The following PPP2R2A variants were observed in gnomAD, a reference collection of about 807,000 sequenced individuals.
The protein encoded by PPP2R2A is protein phosphatase 2 regulatory subunit Balpha, also known as serine/threonine-protein phosphatase 2A 55 kDa regulatory subunit B alpha isoform.
In PPP2R2A, 9 loss-of-function variants were observed where a neutral mutation model predicts 53.2. The observed-to-expected ratio is 0.17, with a 90% CI of 0.10 to 0.30. PPP2R2A has a LOEUF of 0.30. Among genes scored for constraint, PPP2R2A ranks in the 10% least tolerant of loss-of-function variants. The probability of loss-of-function intolerance (pLI) is 1.00; values close to 1 mark genes in which losing one functional copy is unlikely to be tolerated. For synonymous variants in PPP2R2A, 169 were observed against 174.2 expected (o/e 0.97, Z 0.23); for missense variants, 235 against 534.6 (o/e 0.44, Z 5.53).
rs1801417549 is a variant in PPP2R2A, at chr8:26,293,827, T to TATA, written c.82+89_82+91dup. ...AGGATTTCCTTGAAGCCGAGACTGCTATAAATTCAAGATGATTTTGTTGTC... is the reference window on the plus strand; with the variant it reads ...AGGATTTCCTTGAAGCCGAGACTGCTATAATAAATTCAAGATGATTTTGTTGTC... On this transcript the variant is annotated intron_variant, in intron 2 of 9. Coordinates refer to ENST00000380737, the MANE Select transcript of PPP2R2A (RefSeq NM_002717.4). 4 of 1,194,388 alleles carry TATA rather than the reference T, an allele frequency of 3.3e-6. No individual in the cohort carries two copies. The African/African-American group carries it at 4.6e-5, about 14-fold the overall frequency. 74.0% of individuals were successfully genotyped at this position (1,194,388 alleles called of 1,614,324 possible).
chr8:26,291,547 C>CCTGCCG lies in PPP2R2A; in HGVS notation c.-265_-260dup, dbSNP rs878975751. Reference sequence around the variant, plus strand: ...CATTTTGAAAGTGGAGTCGCCTGCCCCTGCCGCTGCCGCCGCCGCCGTCGC... The same window carrying CCTGCCG: ...CATTTTGAAAGTGGAGTCGCCTGCCCCTGCCGCTGCCGCTGCCGCCGCCGCCGTCGC... On this transcript the variant is annotated 5_prime_UTR_variant, in exon 1 of 10. Coordinates refer to ENST00000380737, the MANE Select transcript of PPP2R2A (RefSeq NM_002717.4). 29 of 530,908 alleles carry CCTGCCG rather than the reference C, an allele frequency of 5.5e-5. No homozygotes were observed. Among genetic ancestry groups the CCTGCCG allele is most frequent in the Middle Eastern group, 5.0e-4 (1 of 2,010 alleles). 32.9% of individuals were successfully genotyped at this position (530,908 alleles called of 1,614,324 possible). A position where few individuals can be genotyped will look rare whatever the true frequency, so the allele number is the denominator to read the frequency against.
chr8:26,316,606 A>G (rs924658951), intron 2 of PPP2R2A, among the ~76,000 whole-genome samples: 1 of 152,242 alleles, frequency 6.6e-6, no homozygotes, highest in Admixed American at 6.5e-5. Context: ...TTAACAGAAT[A>G]GTACAGACTG....
At position 26,362,853 on chromosome 8, in the gene PPP2R2A, GTT is replaced by G. The variant is rs757462113; in HGVS notation, c.802+7_802+8del. ...TCTGTGATAGACATTCTAAATGTAA[GTT>G]TATTGTATCTTTCCTTAAAATGATT... is the stretch of plus-strand genomic sequence containing the variant. On this transcript the variant is annotated splice_donor_region_variant and intron_variant, in intron 7 of 9. Transcript: ENST00000380737. The surrounding 1 kb of genome is among the most constrained non-coding windows in gnomAD (Gnocchi z 4.4). 3 of 1,609,902 alleles carry G rather than the reference GTT, an allele frequency of 1.9e-6. No individual in the cohort carries two copies. The highest frequency in any genetic ancestry group is 2.5e-6 in the Non-Finnish European group (3 of 1,177,218).
At position 26,362,985 on chromosome 8, in the gene PPP2R2A, C is replaced by A; in HGVS notation, c.802+137C>A. ...CAGAGCCACTTGTACCCTTGGTAAT[C>A]TGCCTACCTCCTCATGAGGCATTCC... On this transcript the variant is annotated intron_variant, in intron 7 of 9. Coordinates refer to ENST00000380737, the MANE Select transcript of PPP2R2A (RefSeq NM_002717.4). This position sits in a 1 kb window ranked among gnomAD's most constrained non-coding sequence, Gnocchi z 4.4. The A allele has an allele frequency of 1.3e-6, 1 of 741,110 alleles. No homozygotes were observed. Among genetic ancestry groups the A allele is most frequent in the Non-Finnish European group, 2.2e-6 (1 of 465,086 alleles). The allele number at this position is 741,110 out of a possible 1,614,324, so 45.9% of individuals were successfully genotyped here.
At chr8:26,346,270 A>T (rs959037437) in intron 3 of PPP2R2A, among the ~76,000 whole-genome samples, 1 of 152,018 alleles carries the variant, frequency 6.6e-6, no homozygotes, top group African/African-American at 2.4e-5. Context: ...CCTCCCGAGT[A>T]GCTGGGATTA....
chr8:26,328,754 T>C (rs1015409100), intron 2 of PPP2R2A, among the ~76,000 whole-genome samples: 1 of 152,238 alleles, frequency 6.6e-6, no homozygotes, highest in East Asian at 1.9e-4. Flanking sequence ...GAATATTTAC[T>C]AAAATAATAG....
At chr8:26,368,074 G>C (rs1237802526) in intron 9 of PPP2R2A, among the ~76,000 whole-genome samples, 4 of 152,312 alleles carry the variant, frequency 2.6e-5, no homozygotes, top group African/African-American at 9.6e-5. Flanking sequence ...CCTTTTTAAA[G>C]TTTCAAGTAG....
chr8:26,315,321 G>A (rs990281415), intron 2 of PPP2R2A, among the ~76,000 whole-genome samples: 2 of 152,170 alleles, frequency 1.3e-5, no homozygotes, highest in African/African-American at 2.4e-5. Flanking sequence ...AGTATCTCTA[G>A]ATGAGAAGGA....
At chr8:26,294,385 C>T (rs763861190) in intron 2 of PPP2R2A, among the ~76,000 whole-genome samples, 2 of 152,152 alleles carry the variant, frequency 1.3e-5, no homozygotes, top group East Asian at 3.8e-4. Context: ...GAAGTACTTA[C>T]GTCTAATTTT....
At chr8:26,351,881 T>TAA (rs200274129) in intron 3 of PPP2R2A, among the ~76,000 whole-genome samples, 9,078 of 152,270 alleles carry the variant, frequency 0.06, 394 homozygotes, top group Non-Finnish European at 0.086. Flanking sequence ...ATGTGTGATT[T>TAA]TGGTTTTGTG....
intron 4 of PPP2R2A, among the ~76,000 whole-genome samples, chr8:26,357,283 A>AACCC (rs1804834951): frequency 9.5e-6 from 1 of 105,224 alleles, no homozygotes. Flanking sequence ...GCATAGTAAC[A>AACCC]CCCCCCCCCC....
intron 2 of PPP2R2A, among the ~76,000 whole-genome samples, chr8:26,316,923 A>G (rs938662366): frequency 2.6e-5 from 4 of 152,250 alleles, no homozygotes; most frequent in Non-Finnish European, 4.4e-5. Flanking sequence ...TAGCAACATA[A>G]AGTAGAACAT....
At chr8:26,367,155 A>C (rs374808963) in intron 9 of PPP2R2A, among the ~76,000 whole-genome samples, 22 of 152,208 alleles carry the variant, frequency 1.4e-4, no homozygotes, top group African/African-American at 4.8e-4. Flanking sequence ...ACAGAGGATA[A>C]TAGAACTTAT....
chr8:26,354,287 C>T lies in PPP2R2A; in HGVS notation c.181-181C>T, dbSNP rs1432717137. The T allele has an allele frequency of 5.0e-5, 19 of 380,848 alleles. No homozygotes were observed. Among genetic ancestry groups the T allele is most frequent in the South Asian group, 1.1e-4 (1 of 9,142 alleles). The allele number at this position is 380,848 out of a possible 1,614,324, so 23.6% of individuals were successfully genotyped here. A position where few individuals can be genotyped will look rare whatever the true frequency, so the allele number is the denominator to read the frequency against. Reference sequence around the variant, plus strand: ...TTCAGCTTTATTTAGCCTTTTCCCCCGTTAAGTTTTCTCATTTAATCCTTG... The same window carrying T: ...TTCAGCTTTATTTAGCCTTTTCCCCTGTTAAGTTTTCTCATTTAATCCTTG... On this transcript the variant is annotated intron_variant, in intron 3 of 9. Coordinates refer to ENST00000380737, the MANE Select transcript of PPP2R2A (RefSeq NM_002717.4). This position sits in a 1 kb window ranked among gnomAD's most constrained non-coding sequence, Gnocchi z 4.6.
At chr8:26,337,733 T>C (rs1409028255) in intron 2 of PPP2R2A, among the ~76,000 whole-genome samples, 1 of 152,238 alleles carries the variant, frequency 6.6e-6, no homozygotes, top group Non-Finnish European at 1.5e-5. Context: ...TGAGATAATA[T>C]GCACATTTTT....
intron 2 of PPP2R2A, among the ~76,000 whole-genome samples, chr8:26,320,742 A>G (rs1563295422): frequency 6.6e-6 from 1 of 152,142 alleles, no homozygotes; most frequent in Non-Finnish European, 1.5e-5. Flanking sequence ...TGGTGGTATT[A>G]TTATTATTTT....
chr8:26,366,459 T>G (rs1478576983), intron 9 of PPP2R2A, 53 bp downstream of exon 9: 1 of 1,372,558 alleles, frequency 7.3e-7, no homozygotes, highest in East Asian at 2.4e-5. Flanking sequence ...AAGAAACAAC[T>G]ATTTCATTCC....
intron 2 of PPP2R2A, among the ~76,000 whole-genome samples, chr8:26,325,656 C>G (rs1219538909): frequency 6.6e-6 from 1 of 152,080 alleles, no homozygotes; most frequent in Non-Finnish European, 1.5e-5. Context: ...ATTATCAAGC[C>G]TTGTTTTATG....
At chr8:26,327,441 G>C (rs1585361005) in intron 2 of PPP2R2A, among the ~76,000 whole-genome samples, 1 of 152,190 alleles carries the variant, frequency 6.6e-6, no homozygotes, top group African/African-American at 2.4e-5. Flanking sequence ...AGTAGGTCAA[G>C]CTTTATTCAC....
Sources: gnomAD v4.1 joint callset for allele counts (sites outside exome capture counted in the v4.1 genomes callset) on GRCh38, gnomAD v4.1.1 for gene constraint, Gnocchi (gnomAD v3.1) non-coding constraint, MANE v1.5 for transcripts, NCBI Gene and HGNC (gene_info 2026-07-23, HGNC 2026-07-21) for gene names.